The following PTPRU variants were observed in gnomAD, a reference collection of about 807,000 sequenced individuals.
PTPRU encodes the protein receptor-type tyrosine-protein phosphatase U.
In PTPRU, 69 loss-of-function variants were observed where a neutral mutation model predicts 166.3. The observed-to-expected ratio is 0.41, with a 90% confidence interval of 0.34 to 0.51. The LOEUF (loss-of-function observed/expected upper bound fraction) is 0.51, where lower values mean the gene tolerates loss of function less well. Ranked by LOEUF, PTPRU falls within the 20% of genes least tolerant of loss-of-function variation. The probability of loss-of-function intolerance (pLI) is 0.09; values close to 1 mark genes in which losing one functional copy is unlikely to be tolerated. For missense variants in PTPRU, 1,657 were observed against 2,013.7 expected (o/e 0.82, Z 3.39); for synonymous variants, 793 against 814.0 (o/e 0.97, Z 0.44).
At chr1:29,265,962 G>T (rs375526366) in intron 7 of PTPRU, among the ~76,000 whole-genome samples, 2 of 144,836 alleles carry the variant, frequency 1.4e-5, no homozygotes, top group Non-Finnish European at 3.0e-5. Context: ...TTGGTATCAA[G>T]TCTAAGAACT....
At chr1:29,286,328 T>C (rs1223491222) in intron 14 of PTPRU, among the ~76,000 whole-genome samples, 1 of 152,228 alleles carries the variant, frequency 6.6e-6, no homozygotes, top group East Asian at 1.9e-4. Context: ...ACATTAGTTA[T>C]TGGACATCTA....
At chr1:29,251,778 G>A (rs1338596201) in intron 1 of PTPRU, among the ~76,000 whole-genome samples, 1 of 152,188 alleles carries the variant, frequency 6.6e-6, no homozygotes, top group Non-Finnish European at 1.5e-5. Context: ...TGAAGGAACA[G>A]GAAAGGCCTG....
intron 1 of PTPRU, among the ~76,000 whole-genome samples, chr1:29,250,235 A>G (rs1222059411): frequency 2.0e-5 from 3 of 151,830 alleles, no homozygotes; most frequent in African/African-American, 7.3e-5. Context: ...GAGGTCCCTG[A>G]GGGCAGGGCA....
intron 1 of PTPRU, among the ~76,000 whole-genome samples, chr1:29,244,392 A>G (rs1368772068): frequency 6.6e-6 from 1 of 151,740 alleles, no homozygotes; most frequent in Non-Finnish European, 1.5e-5. Context: ...GTTGGGGGAC[A>G]GGTGGATGAT....
At position 29,279,521 on chromosome 1, in the gene PTPRU, C is replaced by A. The variant is rs1317834071; in HGVS notation, c.1629C>A (p.Ile543=). The A allele has an allele frequency of 6.2e-7, 1 of 1,614,226 alleles. No homozygotes were observed. The highest frequency in any genetic ancestry group is 1.3e-5 in the African/African-American group (1 of 75,080). Residue 543 remains isoleucine (I), a synonymous_variant, in exon 10 of 30, where the codon ATC becomes ATA. Transcript: ENST00000373779. The surrounding 1 kb of genome is among the most constrained non-coding windows in gnomAD (Gnocchi z 5.2). ...ACGTGCCAGGCCCACGACGTACCAT[C>A]TCCAAGCTCCGCAATGAGACCTACC... The part of the protein sequence containing the change: ...AVNVPGPRRT[I]SKLRNETYHV...
intron 7 of PTPRU, among the ~76,000 whole-genome samples, chr1:29,265,437 A>G (rs951554302): frequency 6.6e-6 from 1 of 151,854 alleles, no homozygotes; most frequent in Non-Finnish European, 1.5e-5. Flanking sequence ...ATCTCAGCTC[A>G]CTGCAACCTC....
At chr1:29,308,543 A>AC (rs746706895) in intron 18 of PTPRU, among the ~76,000 whole-genome samples, 42 of 140,786 alleles carry the variant, frequency 3.0e-4, no homozygotes, top group Non-Finnish European at 7.6e-5. Flanking sequence ...CTCCAGACTG[A>AC]CCAACAGAGC....
chr1:29,314,211 A>G (rs1687794990), intron 22 of PTPRU, among the ~76,000 whole-genome samples: 1 of 152,194 alleles, frequency 6.6e-6, no homozygotes, highest in South Asian at 2.1e-4. Flanking sequence ...TGCTAAGGAC[A>G]TTCGATCGTA....
chr1:29,260,295 T>G lies in PTPRU; in HGVS notation c.850+251T>G. On this transcript the variant is annotated intron_variant, in intron 6 of 29. Coordinates refer to ENST00000373779, the MANE Select transcript of PTPRU (RefSeq NM_133178.4). The surrounding 1 kb of genome is among the most constrained non-coding windows in gnomAD (Gnocchi z 8.3). ...GAGAGCCTAAAGAGGGGTGGGGTTC[T>G]GGCTGTGTGACTTCTGTGTTGATCC... The G allele has an allele frequency of 2.0e-6, 1 of 488,052 alleles. No homozygotes were observed. The highest frequency in any genetic ancestry group is 3.5e-5 in the East Asian group (1 of 28,360). 30.2% of individuals were successfully genotyped at this position (488,052 alleles called of 1,614,324 possible).
intron 15 of PTPRU, among the ~76,000 whole-genome samples, chr1:29,302,977 C>T (rs977895996): frequency 6.6e-5 from 10 of 152,188 alleles, no homozygotes; most frequent in African/African-American, 2.2e-4. Context: ...ATAGGCTATG[C>T]CGTGCAGCCC....
intron 1 of PTPRU, among the ~76,000 whole-genome samples, chr1:29,249,154 G>A (rs1032424): frequency 0.37 from 51,179 of 137,582 alleles, 10,523 homozygotes; most frequent in Non-Finnish European, 0.48. Flanking sequence ...ATGAGTGCAC[G>A]TGTGCACACA....
chr1:29,280,654 T>TGTGTGC lies in PTPRU; in HGVS notation c.1868+518_1868+519insCGTGTG. 7.3e-6 allele frequency among the ~76,000 whole-genome samples: 1 copy of TGTGTGC among 137,830 alleles called. No individual in the cohort carries two copies. Among genetic ancestry groups the TGTGTGC allele is most frequent in the African/African-American group, 3.1e-5 (1 of 32,208 alleles). The allele number at this position is 137,830 out of a possible 152,430, so 90.4% of individuals were successfully genotyped here. On this transcript the variant is annotated intron_variant, in intron 11 of 29. Coordinates refer to ENST00000373779, the MANE Select transcript of PTPRU (RefSeq NM_133178.4). The surrounding 1 kb of genome is among the most constrained non-coding windows in gnomAD (Gnocchi z 4.2). The stretch of plus-strand genomic sequence containing the variant: ...AGAGGGTGCTGGAGACAAGACTGTG[T>TGTGTGC]GTGTGTGTGTGTGTGTGTGTGTGTG...
At chr1:29,281,596 A>G (rs1157498369) in intron 11 of PTPRU, among the ~76,000 whole-genome samples, 1 of 152,198 alleles carries the variant, frequency 6.6e-6, no homozygotes, top group African/African-American at 2.4e-5. Context: ...CACTTTGTTC[A>G]TGGCTAATGT....
At position 29,260,075 on chromosome 1, in the gene PTPRU, A is replaced by C. The variant is rs1319523719; in HGVS notation, c.850+31A>C. The stretch of plus-strand genomic sequence containing the variant: ...CTGGTGGACGCCGGGGAGCGCCGGG[A>C]CCTCACCCTCGAGGGGCGGGGCCGG... On this transcript the variant is annotated intron_variant, in intron 6 of 29. Coordinates refer to ENST00000373779, the MANE Select transcript of PTPRU (RefSeq NM_133178.4). The surrounding 1 kb of genome is among the most constrained non-coding windows in gnomAD (Gnocchi z 8.3). The C allele has an allele frequency of 8.1e-7, 1 of 1,227,668 alleles. No homozygotes were observed. The highest frequency in any genetic ancestry group is 2.1e-5 in the South Asian group (1 of 48,522). The allele number at this position is 1,227,668 out of a possible 1,614,324, so 76.0% of individuals were successfully genotyped here.
rs151020746 is a variant in PTPRU at position 29,270,384 on chromosome 1, G to A, written c.1145-5064G>A. 7.6e-4 allele frequency among the ~76,000 whole-genome samples: 116 copies of A among 152,120 alleles called. 1 individual carries two copies. Among genetic ancestry groups the A allele is most frequent in the Middle Eastern group, 6.8e-3 (2 of 294 alleles). ...TGCAGTGGCATGATCTTGGCTCACC[G>A]CTTCCTCTACCTCCCGGGCTGAAGC... On this transcript the variant is annotated intron_variant, in intron 7 of 29. Coordinates refer to ENST00000373779, the MANE Select transcript of PTPRU (RefSeq NM_133178.4).
chr1:29,315,534 C>A lies in PTPRU; in HGVS notation c.3363+27C>A. On this transcript the variant is annotated intron_variant, in intron 23 of 29. Coordinates refer to ENST00000373779, the MANE Select transcript of PTPRU (RefSeq NM_133178.4). The surrounding 1 kb of genome is among the most constrained non-coding windows in gnomAD (Gnocchi z 4.5). The stretch of plus-strand genomic sequence containing the variant: ...TGCGGGGACCTGGCCCTGTCCCCAC[C>A]ATTATTACTTCTAGGACTGGAGTTT... 6.2e-7 allele frequency: 1 copy of A among 1,613,758 alleles called. No individual in the cohort carries two copies. The highest frequency in any genetic ancestry group is 8.5e-7 in the Non-Finnish European group (1 of 1,179,826).
intron 7 of PTPRU, 102 bp from the exon 8 acceptor site, chr1:29,275,346 G>A: frequency 7.7e-7 from 1 of 1,290,568 alleles, no homozygotes; most frequent in Non-Finnish European, 1.1e-6. Flanking sequence ...GGCAATGGAG[G>A]GATGATTTCA....
At chr1:29,254,641 G>A (rs879625144) in intron 1 of PTPRU, among the ~76,000 whole-genome samples, 4 of 152,208 alleles carry the variant, frequency 2.6e-5, no homozygotes, top group Non-Finnish European at 4.4e-5. Flanking sequence ...CTGTACTTAC[G>A]CCATTTAGCA....
intron 1 of PTPRU, among the ~76,000 whole-genome samples, chr1:29,249,314 G>A (rs1213993896): frequency 2.0e-5 from 3 of 152,210 alleles, no homozygotes; most frequent in Admixed American, 6.5e-5. Context: ...GAGCCCAGCC[G>A]GATGTGGCTA....
Sources: gnomAD v4.1 joint callset for allele counts (sites outside exome capture counted in the v4.1 genomes callset) on GRCh38, gnomAD v4.1.1 for gene constraint, Gnocchi (gnomAD v3.1) non-coding constraint, MANE v1.5 for transcripts, NCBI Gene and HGNC (gene_info 2026-07-23, HGNC 2026-07-21) for gene names.